VGLL1: variants seen among roughly 807,000 people sequenced by gnomAD.
VGLL1 encodes the protein transcription cofactor vestigial-like protein 1.
In VGLL1, 4 loss-of-function variants were observed where a neutral mutation model predicts 12.0. The observed-to-expected ratio is 0.33, with a 90% CI of 0.16 to 0.76. VGLL1 has a LOEUF of 0.76. VGLL1 is among the 30% of genes least tolerant of loss of function. VGLL1 has a pLI of 0.60. For synonymous variants in VGLL1, 87 were observed against 81.2 expected, an observed-to-expected ratio of 1.07 and a Z score of -0.39; for missense variants, 204 against 208.7, an observed-to-expected ratio of 0.98 and a Z score of 0.14.
chrX:136,552,042 C>T (rs757492927), intron 4 of VGLL1, among the ~76,000 whole-genome samples: 44 of 111,614 alleles, frequency 3.9e-4, no homozygotes, highest in Admixed American at 1.2e-3. Context: ...GAATGTCAAC[C>T]CCATGAGGAC....
At position 136,548,820 on chromosome X, in the gene VGLL1, C is replaced by T. The variant is rs868551485; in HGVS notation, c.446C>T (p.Pro149Leu). ...TSSLEPGYSH[P>L]FPARHLVPEP... ...TCCTTAGAGCCTGGCTACTCTCATC[C>T]CTTCCCCGCTCGGCACCTGGTTCCA... Residue 149 changes from proline (P) to leucine (L), a missense_variant, in exon 3 of 5, where the codon CCC (proline) becomes CTC (leucine). Coordinates refer to ENST00000370634, the MANE Select transcript of VGLL1 (RefSeq NM_016267.4). 3.3e-6 allele frequency: 4 copies of T among 1,210,632 alleles called. No individual in the cohort carries two copies. Among genetic ancestry groups the T allele is most frequent in the Non-Finnish European group, 4.5e-6 (4 of 895,431 alleles).
intron 2 of VGLL1, among the ~76,000 whole-genome samples, chrX:136,537,803 C>A (rs920384311): frequency 9.3e-4 from 101 of 108,919 alleles, no homozygotes; most frequent in Middle Eastern, 4.2e-3. Context: ...TGACCTCGAG[C>A]GATCCTCCCA....
At chrX:136,549,173 T>C (rs2075878647) in intron 3 of VGLL1, among the ~76,000 whole-genome samples, 165 bp downstream of exon 3, 1 of 111,799 alleles carries the variant, frequency 8.9e-6, no homozygotes, top group Non-Finnish European at 1.9e-5. Flanking sequence ...TTCACTAGGC[T>C]TCATTGACAT....
rs776058106 is a variant in VGLL1, at chrX:136,550,778, A to G, written c.645A>G (p.Leu215=). The change falls in exon 4 of 5, where the codon CTA becomes CTG. Residue 215 remains leucine (L), a synonymous_variant. Transcript: ENST00000370634. ...LPPGSVHYKK[L]YVSRGSASTS... ...CTTCTTCTTTTCTAGATAAGAAACTATATGTATCTCGTGGATCTGCCAGTA... is the reference window on the plus strand; with the variant it reads ...CTTCTTCTTTTCTAGATAAGAAACTGTATGTATCTCGTGGATCTGCCAGTA... 1.2e-5 allele frequency: 15 copies of G among 1,205,576 alleles called. No individual in the cohort carries two copies. The highest frequency in any genetic ancestry group is 5.3e-5 in the South Asian group (3 of 56,118).
intron 2 of VGLL1, among the ~76,000 whole-genome samples, chrX:136,547,835 C>T (rs895623304): frequency 2.7e-5 from 3 of 111,592 alleles, no homozygotes; most frequent in Admixed American, 9.5e-5. Context: ...TACAGAGATG[C>T]TCATTGTAAT....
intron 4 of VGLL1, among the ~76,000 whole-genome samples, 165 bp from the exon 5 acceptor site, chrX:136,556,286 A>G (rs1347977130): frequency 9.0e-6 from 1 of 111,688 alleles, no homozygotes; most frequent in East Asian, 2.8e-4. Context: ...CTGTATCCAG[A>G]GCATTTCTTG....
At chrX:136,547,187 C>A (rs142007110) in intron 2 of VGLL1, among the ~76,000 whole-genome samples, 1 of 112,543 alleles carries the variant, frequency 8.9e-6, no homozygotes, top group East Asian at 2.8e-4. Context: ...GTCTCCACAC[C>A]CACCCTCTCT....
intron 2 of VGLL1, among the ~76,000 whole-genome samples, chrX:136,540,490 C>T (rs1014733869): frequency 2.4e-4 from 27 of 111,748 alleles, no homozygotes; most frequent in African/African-American, 8.8e-4. Context: ...GATGTCACCA[C>T]TTCAAACAGT....
At chrX:136,545,910 T>G (rs1439691028) in intron 2 of VGLL1, among the ~76,000 whole-genome samples, 1 of 111,631 alleles carries the variant, frequency 9.0e-6, no homozygotes, top group Non-Finnish European at 1.9e-5. Context: ...ACCAGCTCTC[T>G]CTGGACAGGT....
At chrX:136,536,971 G>A (rs1478382572) in intron 2 of VGLL1, among the ~76,000 whole-genome samples, 2 of 112,553 alleles carry the variant, frequency 1.8e-5, no homozygotes, top group African/African-American at 3.2e-5. Flanking sequence ...TAGAGCAGAA[G>A]TATGTTATGA....
intron 1 of VGLL1, among the ~76,000 whole-genome samples, chrX:136,532,593 CT>C (rs1253644935): frequency 1.6e-5 from 1 of 60,826 alleles, no homozygotes; most frequent in Non-Finnish European, 3.1e-5. Flanking sequence ...TTCTTTCTTT[CT>C]TTCTTTCTTT....
intron 4 of VGLL1, among the ~76,000 whole-genome samples, chrX:136,554,378 G>GA (rs1367786343): frequency 2.5e-3 from 249 of 99,721 alleles, no homozygotes; most frequent in African/African-American, 5.9e-3. Context: ...GTGAAGAATG[G>GA]AAAAAAAAAA....
intron 2 of VGLL1, among the ~76,000 whole-genome samples, chrX:136,539,112 CT>C (rs1221055772): frequency 8.9e-6 from 1 of 111,897 alleles, no homozygotes; most frequent in Non-Finnish European, 1.9e-5. Context: ...GACAAGTATA[CT>C]GACTTCGGCT....
rs2075839499 is a variant in VGLL1 at position 136,536,252 on chromosome X, G to A, written c.214+18G>A. 1 of 1,195,286 alleles carries A rather than the reference G, an allele frequency of 8.4e-7. No homozygotes were observed. The highest frequency in any genetic ancestry group is 2.2e-5 in the Admixed American group (1 of 45,610). ...GAAAAACGGTGAGCATGTGGGGAGG[G>A]AGGGAGCTGGGATTCCCTATCAAGG... On this transcript the variant is annotated intron_variant, in intron 2 of 4. Transcript: ENST00000370634.
At chrX:136,550,073 C>T (rs2075881466) in intron 3 of VGLL1, among the ~76,000 whole-genome samples, 1 of 112,320 alleles carries the variant, frequency 8.9e-6, no homozygotes. Context: ...ATGTGGAAAA[C>T]AAATTTCCCA....
intron 2 of VGLL1, among the ~76,000 whole-genome samples, chrX:136,544,880 C>T (rs1280378544): frequency 2.7e-5 from 3 of 111,888 alleles, no homozygotes; most frequent in Non-Finnish European, 5.6e-5. Context: ...TTCTGCCCCT[C>T]CCTTCTCCAG....
At chrX:136,553,407 T>C (rs2148533889) in intron 4 of VGLL1, among the ~76,000 whole-genome samples, 1 of 104,105 alleles carries the variant, frequency 9.6e-6, no homozygotes, top group African/African-American at 3.5e-5. Context: ...GCCTCCTGGG[T>C]TCAAGTGATT....
chrX:136,535,880 G>A (rs891817325), intron 1 of VGLL1, 116 bp from the exon 2 acceptor site: 1 of 557,048 alleles, frequency 1.8e-6, no homozygotes, highest in African/African-American at 2.3e-5. Flanking sequence ...TGGGGCCCCA[G>A]TGAGCACGTG....
intron 2 of VGLL1, among the ~76,000 whole-genome samples, chrX:136,543,783 A>G (rs2075862713): frequency 1.8e-5 from 2 of 109,385 alleles, no homozygotes; most frequent in African/African-American, 6.7e-5. Flanking sequence ...ATCCCACAGA[A>G]TTTGCATTAA....
Sources: gnomAD v4.1 joint callset for allele counts (sites outside exome capture counted in the v4.1 genomes callset) on GRCh38, gnomAD v4.1.1 for gene constraint, MANE v1.5 for transcripts, NCBI Gene and HGNC (gene_info 2026-07-23, HGNC 2026-07-21) for gene names.